PDE1A: variants seen among roughly 807,000 people sequenced by gnomAD.
PDE1A encodes dual specificity calcium/calmodulin-dependent 3',5'-cyclic nucleotide phosphodiesterase 1A.
PDE1A carries 35 observed loss-of-function variants against 61.7 expected under a neutral mutation model. The ratio of observed to expected loss-of-function variants is 0.57; its 90% CI spans 0.43 to 0.75. PDE1A has a LOEUF of 0.75. Among genes scored for constraint, PDE1A ranks in the 30% least tolerant of loss-of-function variants. The pLI is 0.00. For missense variants in PDE1A, 597 were observed against 630.6 expected, an observed-to-expected ratio of 0.95 and a Z score of 0.57; for synonymous variants, 232 against 213.2, an observed-to-expected ratio of 1.09 and a Z score of -0.77.
At chr2:182,312,263 A>G (rs553584974) in intron 1 of PDE1A, among the ~76,000 whole-genome samples, 5 of 152,148 alleles carry the variant, frequency 3.3e-5, no homozygotes, top group East Asian at 1.9e-4. Context: ...TCTCTGTACA[A>G]TGTCTTTCAA....
At chr2:182,603,165 C>T in the PDE1A span, among the ~76,000 whole-genome samples, 1 of 152,106 alleles carries the variant, frequency 6.6e-6, no homozygotes, top group Non-Finnish European at 1.5e-5. Context: ...CTGGCTGTAA[C>T]TTAGGTGTGT....
chr2:182,357,736 A>AT (rs1699276854), intron 1 of PDE1A, among the ~76,000 whole-genome samples: 1 of 152,252 alleles, frequency 6.6e-6, no homozygotes, highest in South Asian at 2.1e-4. Flanking sequence ...AATTTTAAAA[A>AT]TTGTGACTTC....
At chr2:182,412,375 T>C (rs1702670807) in intron 1 of PDE1A, among the ~76,000 whole-genome samples, 1 of 152,206 alleles carries the variant, frequency 6.6e-6, no homozygotes, top group Admixed American at 6.5e-5. Context: ...GCATAGTTGC[T>C]GAAATCAAGT....
At chr2:182,674,525 C>T in the PDE1A span, among the ~76,000 whole-genome samples, 1 of 151,888 alleles carries the variant, frequency 6.6e-6, no homozygotes, top group Non-Finnish European at 1.5e-5. Flanking sequence ...GGGCCTAGGA[C>T]AAAATAAAAT....
the PDE1A span, among the ~76,000 whole-genome samples, chr2:182,690,622 G>C: frequency 1.3e-5 from 2 of 152,196 alleles, no homozygotes; most frequent in African/African-American, 2.4e-5. Flanking sequence ...ACTGGCACAA[G>C]ACAGGGATGC....
the PDE1A span, among the ~76,000 whole-genome samples, chr2:182,626,766 TATATAC>T: frequency 0.033 from 242 of 7,310 alleles, 29 homozygotes; most frequent in East Asian, 0.13. Flanking sequence ...TATATACATA[TATATAC>T]ATATATATAC....
At chr2:182,254,120 G>A (rs545536089) in intron 2 of PDE1A, among the ~76,000 whole-genome samples, 2 of 152,154 alleles carry the variant, frequency 1.3e-5, no homozygotes, top group African/African-American at 4.8e-5. Flanking sequence ...GAGCTTTTTT[G>A]TTAGTCATTT....
intron 2 of PDE1A, among the ~76,000 whole-genome samples, chr2:182,450,960 A>G (rs944549808): frequency 6.6e-6 from 1 of 152,158 alleles, no homozygotes; most frequent in Non-Finnish European, 1.5e-5. Flanking sequence ...TCTAATTTAC[A>G]AATAACTTAA....
intron 1 of PDE1A, among the ~76,000 whole-genome samples, chr2:182,293,295 G>T (rs889488779): frequency 2.6e-5 from 4 of 152,012 alleles, no homozygotes; most frequent in Non-Finnish European, 5.9e-5. Flanking sequence ...AACAACCCTT[G>T]TATCATTAAA....
chr2:182,332,925 G>A (rs1370536844), intron 1 of PDE1A, among the ~76,000 whole-genome samples: 1 of 152,172 alleles, frequency 6.6e-6, no homozygotes, highest in African/African-American at 2.4e-5. Flanking sequence ...AGCAGGGATT[G>A]CAATCCTAGT....
At chr2:182,499,189 T>G (rs1688936593) in intron 2 of PDE1A, among the ~76,000 whole-genome samples, 1 of 140,328 alleles carries the variant, frequency 7.1e-6, no homozygotes, top group South Asian at 2.4e-4. Context: ...TTTTTTTTTT[T>G]TTTTTGAGAC....
intron 2 of PDE1A, among the ~76,000 whole-genome samples, chr2:182,262,293 T>A (rs1410965878): frequency 1.3e-5 from 2 of 151,936 alleles, no homozygotes; most frequent in African/African-American, 4.8e-5. Flanking sequence ...ATTGACATGA[T>A]CTCACTCTGT....
chr2:182,488,843 T>C (rs1688192189), intron 2 of PDE1A, among the ~76,000 whole-genome samples: 1 of 152,178 alleles, frequency 6.6e-6, no homozygotes, highest in Admixed American at 6.6e-5. Context: ...ATGCTATTTG[T>C]CCAGTCAACG....
At chr2:182,231,222 G>C in intron 4 of PDE1A, 91 bp from the exon 5 acceptor site, 1 of 714,478 alleles carries the variant, frequency 1.4e-6, no homozygotes, top group Non-Finnish European at 2.4e-6. Flanking sequence ...ACATTTAGCA[G>C]GTCATCTTTC....
intron 1 of PDE1A, among the ~76,000 whole-genome samples, chr2:182,325,715 C>T (rs1352621821): frequency 6.6e-6 from 1 of 152,064 alleles, no homozygotes; most frequent in South Asian, 2.1e-4. Flanking sequence ...CTCAGGTGTT[C>T]GTAACCAGCT....
chr2:182,511,340 G>A (rs1689771792), intron 2 of PDE1A, among the ~76,000 whole-genome samples: 1 of 152,036 alleles, frequency 6.6e-6, no homozygotes, highest in South Asian at 2.1e-4. Flanking sequence ...AGAGAAAGGA[G>A]GCTGCGAATG....
intron 13 of PDE1A, among the ~76,000 whole-genome samples, chr2:182,176,044 A>T (rs1574568663): frequency 6.7e-6 from 1 of 149,008 alleles, no homozygotes; most frequent in East Asian, 1.9e-4. Context: ...ATTGATCTAT[A>T]TCTCTGTTTT....
chr2:182,683,212 C>T, the PDE1A span, among the ~76,000 whole-genome samples: 173 of 151,800 alleles, frequency 1.1e-3, 1 homozygote, highest in African/African-American at 4.0e-3. Context: ...CCTGCCTCAC[C>T]TCCTGAGTAG....
At chr2:182,712,347 A>G in the PDE1A span, among the ~76,000 whole-genome samples, 2 of 152,318 alleles carry the variant, frequency 1.3e-5, no homozygotes, top group East Asian at 3.9e-4. Flanking sequence ...GGGTCTGAGG[A>G]TTAGATGGTA....
Sources: allele counts gnomAD v4.1 joint callset (sites outside exome capture counted in the v4.1 genomes callset), GRCh38; gene constraint gnomAD v4.1.1; transcripts MANE v1.5; gene names NCBI Gene and HGNC (gene_info 2026-07-23, HGNC 2026-07-21).